Variants in PIP5K1A observed in about 807,000 individuals in gnomAD.
PIP5K1A encodes the protein phosphatidylinositol-4-phosphate 5-kinase type 1 alpha, also known as phosphatidylinositol 4-phosphate 5-kinase type-1 alpha.
Under a neutral mutation model 72.9 loss-of-function variants are expected in PIP5K1A, and 46 were observed. The observed-to-expected ratio is 0.63, with a 90% confidence interval of 0.50 to 0.81. The LOEUF (loss-of-function observed/expected upper bound fraction) is 0.81. Among genes scored for constraint, PIP5K1A ranks in the 30% least tolerant of loss-of-function variants. The probability of loss-of-function intolerance (pLI) is 0.00; values close to 1 mark genes in which losing one functional copy is unlikely to be tolerated. For missense variants in PIP5K1A, 458 were observed against 706.1 expected (o/e 0.65, Z 3.98); for synonymous variants, 228 against 255.1 (o/e 0.89, Z 1.01).
intron 3 of PIP5K1A, among the ~76,000 whole-genome samples, chr1:151,226,712 T>TC (rs1553296877): frequency 1.5e-5 from 1 of 65,062 alleles, no homozygotes; most frequent in Admixed American, 1.6e-4. Context: ...AAACTCTGTC[T>TC]CAAAAAAAAA....
chr1:151,224,004 A>G (rs1688761053), intron 1 of PIP5K1A: 1 of 559,496 alleles, frequency 1.8e-6, no homozygotes, highest in East Asian at 2.9e-5. Flanking sequence ...CAGAGAAAAT[A>G]TGGATATTTG....
At chr1:151,206,726 C>T (rs1685986828) in intron 1 of PIP5K1A, among the ~76,000 whole-genome samples, 5 of 151,952 alleles carry the variant, frequency 3.3e-5, no homozygotes, top group East Asian at 3.9e-4. Flanking sequence ...CCACCACATC[C>T]GGCTAATTTT....
intron 1 of PIP5K1A, among the ~76,000 whole-genome samples, chr1:151,201,391 C>A (rs898116550): frequency 1.1e-4 from 17 of 151,730 alleles, no homozygotes; most frequent in Admixed American, 7.2e-4. Context: ...ATTCTGTCAC[C>A]CAGGCTGGAG....
intron 13 of PIP5K1A, 71 bp from the exon 14 acceptor site, chr1:151,242,367 T>A (rs1691870170): frequency 6.2e-7 from 1 of 1,602,250 alleles, no homozygotes; most frequent in Non-Finnish European, 8.5e-7. Flanking sequence ...CCCATTTCTA[T>A]CCAGGAAGCC....
chr1:151,244,146 T>TG (rs953216918), intron 14 of PIP5K1A, among the ~76,000 whole-genome samples: 1 of 131,388 alleles, frequency 7.6e-6, no homozygotes, highest in South Asian at 2.3e-4. Context: ...CCCATCCCTT[T>TG]GAAAAAAAAA....
chr1:151,223,075 G>A (rs1469119427), intron 1 of PIP5K1A, among the ~76,000 whole-genome samples: 1 of 152,034 alleles, frequency 6.6e-6, no homozygotes, highest in Non-Finnish European at 1.5e-5. Context: ...AATTAGCCAG[G>A]CGCAGTGGCT....
At chr1:151,228,806 A>C (rs139310477) in intron 4 of PIP5K1A, among the ~76,000 whole-genome samples, 1 of 151,908 alleles carries the variant, frequency 6.6e-6, no homozygotes, top group Non-Finnish European at 1.5e-5. Flanking sequence ...AGGTGGACTG[A>C]CTCATTCTCA....
chr1:151,199,207 G>T, intron 1 of PIP5K1A, 126 bp downstream of exon 1: 2 of 1,544,326 alleles, frequency 1.3e-6, no homozygotes, highest in South Asian at 1.1e-5. Context: ...CGCGAGCTGG[G>T]CTTTCAAATA....
intron 11 of PIP5K1A, 96 bp downstream of exon 11, chr1:151,239,274 T>C: frequency 4.9e-6 from 4 of 820,270 alleles, no homozygotes; most frequent in Non-Finnish European, 2.0e-6. Context: ...TTTTTCTTTT[T>C]TCTTTTTTTT....
chr1:151,229,984 A>C (rs1689799542), intron 4 of PIP5K1A, among the ~76,000 whole-genome samples: 1 of 152,142 alleles, frequency 6.6e-6, no homozygotes, highest in Non-Finnish European at 1.5e-5. Context: ...GCTACTCAGG[A>C]GGCTGAGGCA....
chr1:151,228,010 C>G (rs893681188), intron 4 of PIP5K1A, among the ~76,000 whole-genome samples: 2 of 152,190 alleles, frequency 1.3e-5, no homozygotes, highest in African/African-American at 4.8e-5. Context: ...TCTTATCTTA[C>G]CACAGGGAAC....
intron 1 of PIP5K1A, among the ~76,000 whole-genome samples, chr1:151,217,354 C>G (rs2102280668): frequency 6.6e-6 from 1 of 152,172 alleles, no homozygotes; most frequent in African/African-American, 2.4e-5. Flanking sequence ...GCTGCTGCTC[C>G]CCTCACTAAT....
At chr1:151,203,136 G>T (rs1047659151) in intron 1 of PIP5K1A, among the ~76,000 whole-genome samples, 7 of 152,144 alleles carry the variant, frequency 4.6e-5, no homozygotes, top group Non-Finnish European at 4.4e-5. Context: ...GGCTTGATTT[G>T]AAGTTAGTGG....
chr1:151,204,974 T>A (rs984061796), intron 1 of PIP5K1A, among the ~76,000 whole-genome samples: 1 of 152,204 alleles, frequency 6.6e-6, no homozygotes, highest in African/African-American at 2.4e-5. Context: ...TTTAAAACTC[T>A]TCTGATTAAT....
intron 8 of PIP5K1A, among the ~76,000 whole-genome samples, chr1:151,236,295 A>G (rs1690847873): frequency 6.6e-6 from 1 of 151,714 alleles, no homozygotes; most frequent in Admixed American, 6.6e-5. Context: ...GCTGGGCAGC[A>G]TGGTGAAACC....
At chr1:151,242,067 C>T (rs896402390) in intron 12 of PIP5K1A, 56 bp from the exon 13 acceptor site, 9 of 1,568,386 alleles carry the variant, frequency 5.7e-6, no homozygotes, top group African/African-American at 1.4e-5. Context: ...GTATCTATGT[C>T]TTGGTAATAG....
chr1:151,247,388 A>G (rs1692661133), intron 15 of PIP5K1A, among the ~76,000 whole-genome samples: 1 of 151,206 alleles, frequency 6.6e-6, no homozygotes, highest in South Asian at 2.1e-4. Flanking sequence ...TGGCCTCTCA[A>G]AGTGCTGGGA....
chr1:151,239,743 G>A (rs1420110758), intron 11 of PIP5K1A, among the ~76,000 whole-genome samples: 3 of 152,156 alleles, frequency 2.0e-5, no homozygotes, highest in African/African-American at 7.2e-5. Flanking sequence ...GAACAGGCTG[G>A]TGTCGAACTC....
intron 8 of PIP5K1A, 68 bp downstream of exon 8, chr1:151,234,564 G>A: frequency 7.9e-7 from 1 of 1,266,398 alleles, no homozygotes; most frequent in East Asian, 2.3e-5. Context: ...TAGGCATTAA[G>A]TTTGTGGGAG....
Sources: allele counts gnomAD v4.1 joint callset (sites outside exome capture counted in the v4.1 genomes callset), GRCh38; gene constraint gnomAD v4.1.1; transcripts MANE v1.5; gene names NCBI Gene and HGNC (gene_info 2026-07-23, HGNC 2026-07-21).